The following SUGCT variants were observed in gnomAD, a reference collection of about 807,000 sequenced individuals.
SUGCT encodes the protein succinyl-CoA:glutarate CoA-transferase.
Under a neutral mutation model 55.0 loss-of-function variants are expected in SUGCT, and 41 were observed. The ratio of observed to expected loss-of-function variants is 0.74; its 90% CI spans 0.58 to 0.97. The LOEUF is 0.97. SUGCT is among the 50% of genes least tolerant of loss of function. The probability of loss-of-function intolerance (pLI) is 0.00; values close to 1 mark genes in which losing one functional copy is unlikely to be tolerated. For missense variants in SUGCT, 568 were observed against 547.8 expected (o/e 1.04, Z -0.37); for synonymous variants, 187 against 200.4 (o/e 0.93, Z 0.56).
At chr7:40,481,616 C>A (rs1251067526) in intron 11 of SUGCT, among the ~76,000 whole-genome samples, 1 of 151,736 alleles carries the variant, frequency 6.6e-6, no homozygotes, top group African/African-American at 2.4e-5. Flanking sequence ...AATAATAACC[C>A]AATAGAAAAT....
the SUGCT span, among the ~76,000 whole-genome samples, chr7:41,031,238 C>T: frequency 2.0e-5 from 3 of 152,182 alleles, no homozygotes; most frequent in African/African-American, 7.2e-5. Context: ...TATGCCAAGT[C>T]TCGGCAGGGC....
At chr7:40,335,976 G>A (rs1250811751) in intron 9 of SUGCT, among the ~76,000 whole-genome samples, 7 of 152,026 alleles carry the variant, frequency 4.6e-5, no homozygotes, top group East Asian at 3.9e-4. Flanking sequence ...GAATTTTGTC[G>A]AAGGCCTTTT....
In SUGCT at chr7:40,237,682, G is replaced by A. The variant is rs1235583565; in HGVS notation, c.532G>A (p.Val178Ile). Reference protein sequence around the residue: ...PISQRAGYDAVASAVSGLMHI... With the variant: ...PISQRAGYDAIASAVSGLMHI... ...TTCTCAGCGAGCTGGTTATGATGCT[G>A]TTGCCTCGGCTGTTTCTGGTCTGAT... is the stretch of plus-strand genomic sequence containing the variant. Residue 178 changes from valine (V) to isoleucine (I), a missense_variant, in exon 7 of 14, where the codon GTT (valine) becomes ATT (isoleucine). Transcript: ENST00000335693. 5 of 1,613,940 alleles carry A rather than the reference G, an allele frequency of 3.1e-6. No homozygotes were observed. The highest frequency in any genetic ancestry group is 1.1e-5 in the South Asian group (1 of 91,076).
intron 9 of SUGCT, among the ~76,000 whole-genome samples, chr7:40,352,011 A>T (rs1797658388): frequency 6.6e-6 from 1 of 152,210 alleles, no homozygotes; most frequent in Admixed American, 6.5e-5. Flanking sequence ...AGCTTCTGTT[A>T]TGCACCCATG....
chr7:40,799,438 A>G (rs535486893), intron 13 of SUGCT, among the ~76,000 whole-genome samples: 1 of 152,282 alleles, frequency 6.6e-6, no homozygotes, highest in East Asian at 1.9e-4. Context: ...ATGTTTTCCT[A>G]AAGAAAGTTA....
At chr7:40,609,955 A>T (rs1029017920) in intron 12 of SUGCT, among the ~76,000 whole-genome samples, 1 of 152,250 alleles carries the variant, frequency 6.6e-6, no homozygotes, top group Admixed American at 6.5e-5. Flanking sequence ...ACAAAGCTCA[A>T]TTCAGTTAGT....
chr7:40,504,691 C>T (rs1303402235), intron 12 of SUGCT, among the ~76,000 whole-genome samples: 7 of 152,154 alleles, frequency 4.6e-5, no homozygotes, highest in Non-Finnish European at 8.8e-5. Flanking sequence ...ACCTTAGCCT[C>T]CCAGAGTGCT....
chr7:40,727,077 T>C (rs966251652), intron 12 of SUGCT, among the ~76,000 whole-genome samples: 7 of 152,214 alleles, frequency 4.6e-5, no homozygotes, highest in African/African-American at 1.7e-4. Context: ...TGCTATCGTG[T>C]TATTATTAGT....
At chr7:40,323,804 A>G (rs1421516409) in intron 9 of SUGCT, among the ~76,000 whole-genome samples, 2 of 152,168 alleles carry the variant, frequency 1.3e-5, no homozygotes, top group African/African-American at 4.8e-5. Context: ...CAAGTGGTGG[A>G]TATGGCCAGA....
intron 6 of SUGCT, among the ~76,000 whole-genome samples, chr7:40,221,494 C>CT (rs1452847552): frequency 0.031 from 4,016 of 130,514 alleles, 310 homozygotes; most frequent in African/African-American, 0.099. Flanking sequence ...TGTTATTGGT[C>CT]TTTTTTTTTT....
the SUGCT span, among the ~76,000 whole-genome samples, chr7:41,021,050 G>T: frequency 6.6e-6 from 1 of 152,210 alleles, no homozygotes; most frequent in Non-Finnish European, 1.5e-5. Context: ...TACCCACTCC[G>T]TGAAGAGACC....
At chr7:40,267,424 T>C (rs4129803) in intron 7 of SUGCT, among the ~76,000 whole-genome samples, 56,687 of 152,096 alleles carry the variant, frequency 0.37, 10,573 homozygotes, top group East Asian at 0.46. Flanking sequence ...AGTCTGTATA[T>C]GAGTTTAAGT....
intron 6 of SUGCT, among the ~76,000 whole-genome samples, chr7:40,237,048 G>A (rs1789059770): frequency 6.6e-6 from 1 of 151,988 alleles, no homozygotes; most frequent in East Asian, 2.0e-4. Context: ...GGCCAGGCTT[G>A]TCTTGAACTC....
At chr7:40,858,061 A>G (rs1394269549) in intron 13 of SUGCT, among the ~76,000 whole-genome samples, 2 of 152,158 alleles carry the variant, frequency 1.3e-5, no homozygotes, top group Non-Finnish European at 2.9e-5. Flanking sequence ...ATTTCCTTCA[A>G]TGTCCTAATC....
chr7:40,823,493 C>T (rs1026451121), intron 13 of SUGCT, among the ~76,000 whole-genome samples: 4 of 152,042 alleles, frequency 2.6e-5, no homozygotes, highest in Admixed American at 2.0e-4. Flanking sequence ...TGGTAACTGT[C>T]GTTTCACATG....
intron 9 of SUGCT, among the ~76,000 whole-genome samples, chr7:40,399,674 G>A (rs535466530): frequency 8.3e-4 from 126 of 152,286 alleles, no homozygotes; most frequent in African/African-American, 2.9e-3. Flanking sequence ...ACTGGATAAT[G>A]AAATGAGCAT....
At chr7:40,460,956 T>C (rs1212386222) in intron 11 of SUGCT, among the ~76,000 whole-genome samples, 2 of 152,162 alleles carry the variant, frequency 1.3e-5, no homozygotes, top group Non-Finnish European at 2.9e-5. Flanking sequence ...ACATCATCAT[T>C]GGTACTGCCG....
chr7:40,582,324 A>G (rs1429438196), intron 12 of SUGCT, among the ~76,000 whole-genome samples: 2 of 152,178 alleles, frequency 1.3e-5, no homozygotes, highest in South Asian at 4.1e-4. Flanking sequence ...AACTGAGGGC[A>G]TATTAACAAA....
intron 9 of SUGCT, among the ~76,000 whole-genome samples, chr7:40,334,145 C>T (rs1796528751): frequency 6.6e-6 from 1 of 152,164 alleles, no homozygotes; most frequent in South Asian, 2.1e-4. Context: ...TTAATCCAGT[C>T]TATCATTGAT....
Sources: allele counts gnomAD v4.1 joint callset (sites outside exome capture counted in the v4.1 genomes callset), GRCh38; gene constraint gnomAD v4.1.1; transcripts MANE v1.5; gene names NCBI Gene and HGNC (gene_info 2026-07-23, HGNC 2026-07-21).